ADD3: variants seen among roughly 807,000 people sequenced by gnomAD.
ADD3 encodes the protein adducin 3, also known as gamma-adducin.
Under a neutral mutation model 80.2 loss-of-function variants are expected in ADD3, and 25 were observed. The observed-to-expected ratio is 0.31, with a 90% CI of 0.23 to 0.44. The LOEUF is 0.44. Ranked by LOEUF, ADD3 falls within the 20% of genes least tolerant of loss-of-function variation. The pLI, the probability that ADD3 is intolerant of heterozygous loss-of-function variation, is 1.00. For synonymous variants in ADD3, 284 were observed against 289.6 expected (o/e 0.98, Z 0.20); for missense variants, 829 against 847.5 (o/e 0.98, Z 0.27).
At chr10:110,125,740 C>G (rs989260892) in intron 10 of ADD3, 86 bp from the exon 11 acceptor site, 2 of 1,007,922 alleles carry the variant, frequency 2.0e-6, no homozygotes, top group Non-Finnish European at 2.8e-6. Context: ...GGCAATGCCC[C>G]TCTTGAGACT....
chr10:110,073,491 GT>G (rs1564929920), intron 1 of ADD3, among the ~76,000 whole-genome samples: 3 of 152,140 alleles, frequency 2.0e-5, no homozygotes, highest in Non-Finnish European at 4.4e-5. Flanking sequence ...TACCGATAGG[GT>G]TGCTGTGGAA....
At chr10:110,016,731 A>G (rs931115138) in intron 1 of ADD3, 1 of 152,172 alleles carries the variant, frequency 6.6e-6, no homozygotes, top group East Asian at 1.9e-4. Context: ...GTTTCAAAGT[A>G]GATTTTGTTG....
At chr10:110,070,554 A>G (rs1244696833) in intron 1 of ADD3, among the ~76,000 whole-genome samples, 3 of 152,214 alleles carry the variant, frequency 2.0e-5, no homozygotes, top group South Asian at 2.1e-4. Flanking sequence ...AGCAGTATGT[A>G]TGATTCTGTA....
intron 1 of ADD3, among the ~76,000 whole-genome samples, chr10:110,046,392 G>C (rs1016134263): frequency 1.3e-5 from 2 of 150,774 alleles, no homozygotes; most frequent in Non-Finnish European, 2.9e-5. Context: ...GCTATTAATA[G>C]TTGGGGATAG....
intron 1 of ADD3, among the ~76,000 whole-genome samples, chr10:110,079,472 G>A (rs1310074465): frequency 2.1e-5 from 3 of 144,712 alleles, no homozygotes; most frequent in South Asian, 4.3e-4. Context: ...GTGTGTGTGT[G>A]TGTGTGTGTG....
chr10:110,124,748 G>T (rs1306257214), intron 10 of ADD3, among the ~76,000 whole-genome samples: 3 of 152,186 alleles, frequency 2.0e-5, no homozygotes, highest in Non-Finnish European at 4.4e-5. Context: ...CTTGTAGGTA[G>T]AGAAATGGGT....
intron 1 of ADD3, among the ~76,000 whole-genome samples, chr10:110,070,641 A>G (rs756116526): frequency 6.6e-5 from 10 of 152,134 alleles, no homozygotes; most frequent in Admixed American, 5.2e-4. Context: ...TACACCTTCT[A>G]TCATGCCACT....
chr10:110,019,480 G>A (rs533314245), intron 1 of ADD3, among the ~76,000 whole-genome samples: 2 of 151,214 alleles, frequency 1.3e-5, no homozygotes, highest in Non-Finnish European at 2.9e-5. Flanking sequence ...TCAGCCTCCC[G>A]AGTAGCTGGG....
intron 1 of ADD3, among the ~76,000 whole-genome samples, chr10:110,025,304 A>T (rs1854156475): frequency 6.6e-6 from 1 of 151,768 alleles, no homozygotes; most frequent in South Asian, 2.1e-4. Flanking sequence ...TATAGTATAA[A>T]TAATACTTTT....
chr10:110,020,186 C>A (rs1374185231), intron 1 of ADD3, among the ~76,000 whole-genome samples: 1 of 152,038 alleles, frequency 6.6e-6, no homozygotes, highest in Non-Finnish European at 1.5e-5. Flanking sequence ...TTTATTCATT[C>A]AACAAATATT....
upstream of ADD3, among the ~76,000 whole-genome samples, chr10:110,001,675 G>T (rs1589679840): frequency 6.6e-6 from 1 of 151,886 alleles, no homozygotes; most frequent in Non-Finnish European, 1.5e-5. Context: ...TTTATTCAGA[G>T]ATTTTTTTTT....
At chr10:110,057,176 C>G (rs758389312) in intron 1 of ADD3, among the ~76,000 whole-genome samples, 1 of 152,176 alleles carries the variant, frequency 6.6e-6, no homozygotes, top group Non-Finnish European at 1.5e-5. Flanking sequence ...CCTTTCTCTA[C>G]CCGACTCTGC....
chr10:110,022,274 G>A (rs1853766884), intron 1 of ADD3, among the ~76,000 whole-genome samples: 1 of 151,802 alleles, frequency 6.6e-6, no homozygotes, highest in Non-Finnish European at 1.5e-5. Flanking sequence ...CAATAAAGAT[G>A]GTCTACTTTT....
chr10:110,082,320 C>G (rs992731930), intron 1 of ADD3, among the ~76,000 whole-genome samples: 25 of 152,002 alleles, frequency 1.6e-4, no homozygotes, highest in East Asian at 1.9e-4. Flanking sequence ...TTAAAAAGAT[C>G]AGAAAAAAAA....
intron 1 of ADD3, among the ~76,000 whole-genome samples, chr10:110,074,956 A>G (rs1035180710): frequency 3.9e-5 from 6 of 152,240 alleles, no homozygotes; most frequent in African/African-American, 1.4e-4. Flanking sequence ...GTAAATTTAC[A>G]TGAATCCCTG....
chr10:110,089,021 A>T (rs1354933091), intron 1 of ADD3, among the ~76,000 whole-genome samples: 1 of 152,172 alleles, frequency 6.6e-6, no homozygotes, highest in African/African-American at 2.4e-5. Flanking sequence ...AGCTTGTGAA[A>T]TAGGTAGATG....
In ADD3 at chr10:110,053,015, CAA is replaced by C. The variant is rs1407279761; in HGVS notation, c.-30+44718_-30+44719del. Among the ~76,000 whole-genome samples, 7 of 152,234 alleles carry C rather than the reference CAA, an allele frequency of 4.6e-5. No individual in the cohort carries two copies. In the East Asian group the frequency reaches 1.2e-3, roughly 25 times the overall value. ...ACCTGGTTTAGAAAATGGAAACAAA[CAA>C]ACAAACACATGGGAATAACTATGCA... On this transcript the variant is annotated intron_variant, in intron 1 of 14. Coordinates refer to ENST00000356080, the MANE Select transcript of ADD3 (RefSeq NM_016824.5).
chr10:110,001,218 C>A (rs1269106044), upstream of ADD3, among the ~76,000 whole-genome samples: 1 of 151,818 alleles, frequency 6.6e-6, no homozygotes, highest in Non-Finnish European at 1.5e-5. Flanking sequence ...AGTTCAAGAC[C>A]AGCCTGGGCA....
At chr10:110,078,242 G>A (rs541717355) in intron 1 of ADD3, among the ~76,000 whole-genome samples, 5 of 152,228 alleles carry the variant, frequency 3.3e-5, no homozygotes, top group East Asian at 1.9e-4. Context: ...TTACCTCTTT[G>A]GACATTAGTT....
Sources: allele counts gnomAD v4.1 joint callset (sites outside exome capture counted in the v4.1 genomes callset), GRCh38; gene constraint gnomAD v4.1.1; transcripts MANE v1.5; gene names NCBI Gene and HGNC (gene_info 2026-07-23, HGNC 2026-07-21).